ANKRD29: variants seen among roughly 807,000 people sequenced by gnomAD.
ANKRD29 encodes the protein ankyrin repeat domain 29.
ANKRD29 carries 32 observed loss-of-function variants against 38.0 expected under a neutral mutation model. The ratio of observed to expected loss-of-function variants is 0.84; its 90% CI spans 0.64 to 1.13. The LOEUF is 1.13. ANKRD29 is among the 50% of genes most tolerant of loss of function. The pLI, the probability that ANKRD29 is intolerant of heterozygous loss-of-function variation, is 0.00. For missense variants in ANKRD29, 357 were observed against 377.9 expected, an observed-to-expected ratio of 0.94 and a Z score of 0.46; for synonymous variants, 135 against 152.4, an observed-to-expected ratio of 0.89 and a Z score of 0.84.
At chr18:23,651,249 T>C (rs922384968) in intron 1 of ANKRD29, among the ~76,000 whole-genome samples, 13 of 152,190 alleles carry the variant, frequency 8.5e-5, no homozygotes, top group African/African-American at 2.9e-4. Flanking sequence ...CTGGCTCATT[T>C]AGAAGGGAAA....
At chr18:23,643,488 T>A (rs1425571279) in intron 3 of ANKRD29, among the ~76,000 whole-genome samples, 1 of 152,274 alleles carries the variant, frequency 6.6e-6, no homozygotes, top group Non-Finnish European at 1.5e-5. Context: ...TAATTTGCTT[T>A]TCAATAGGCT....
At chr18:23,645,621 A>C (rs2060129004) in intron 3 of ANKRD29, among the ~76,000 whole-genome samples, 1 of 152,182 alleles carries the variant, frequency 6.6e-6, no homozygotes, top group African/African-American at 2.4e-5. Flanking sequence ...TAGACCAAGA[A>C]TGGATCCTCA....
At position 23,638,909 on chromosome 18, in the gene ANKRD29, G is replaced by A. The variant is rs140468841; in HGVS notation, c.270C>T (p.Gly90=). The A allele has an allele frequency of 2.3e-5, 37 of 1,613,028 alleles. No individual in the cohort carries two copies. The African/African-American group carries it at 4.5e-4, about 20-fold the overall frequency. ...AGAGAAATCTCACGACATCATTATG[G>A]CCTTGCTGGGCGGCAAAGAATAGGG... ...TTALFFAAQQ[G]HNDVVRFLFG... The change falls in exon 4 of 10, where the codon GGC becomes GGT. Residue 90 remains glycine (G), a synonymous_variant. Transcript: ENST00000592179.
intron 8 of ANKRD29, among the ~76,000 whole-genome samples, chr18:23,613,880 G>C (rs1457130755): frequency 6.6e-6 from 1 of 152,034 alleles, no homozygotes; most frequent in Non-Finnish European, 1.5e-5. Context: ...TTACAGGCAT[G>C]AGCCCCCACG....
intron 5 of ANKRD29, among the ~76,000 whole-genome samples, chr18:23,632,562 A>T (rs1192778372): frequency 7.6e-6 from 1 of 130,994 alleles, no homozygotes; most frequent in Non-Finnish European, 1.5e-5. Flanking sequence ...ACACTCTCAG[A>T]TATACTCTAC....
intron 5 of ANKRD29, among the ~76,000 whole-genome samples, chr18:23,632,363 A>AAAATATTTAG (rs1341472823): frequency 6.6e-6 from 1 of 151,918 alleles, no homozygotes; most frequent in African/African-American, 2.4e-5. Flanking sequence ...CGTTTTTAAG[A>AAAATATTTAG]AAATATTTAG....
chr18:23,610,516 C>T (rs2059628169), intron 9 of ANKRD29, among the ~76,000 whole-genome samples: 1 of 151,802 alleles, frequency 6.6e-6, no homozygotes, highest in Non-Finnish European at 1.5e-5. Flanking sequence ...TAGTTTAGGC[C>T]AGGTGTGGTG....
chr18:23,617,655 T>C, intron 8 of ANKRD29, 77 bp downstream of exon 8: 1 of 1,236,184 alleles, frequency 8.1e-7, no homozygotes, highest in African/African-American at 1.5e-5. Context: ...GCACCCAAAT[T>C]CGACACAGTC....
chr18:23,650,958 C>T lies in ANKRD29; in HGVS notation c.22-1765G>A, dbSNP rs778750348. On this transcript the variant is annotated intron_variant, in intron 1 of 9. Coordinates refer to ENST00000592179, the MANE Select transcript of ANKRD29 (RefSeq NM_173505.4). The stretch of plus-strand genomic sequence containing the variant: ...TTTGTGAGTGGGTTTAAAACATCTA[C>T]GCGACTCAAAAGGCCTTTTGCGTAA... Among the ~76,000 whole-genome samples, 3 of 152,106 alleles carry T rather than the reference C, an allele frequency of 2.0e-5. No individual in the cohort carries two copies. In the East Asian group the frequency reaches 5.8e-4, roughly 29 times the overall value.
rs918743248 is a variant in ANKRD29 at position 23,619,135 on chromosome 18, G to A, written c.627+396C>T. 3.9e-5 allele frequency among the ~76,000 whole-genome samples: 6 copies of A among 152,310 alleles called. No homozygotes were observed. The South Asian group carries it at 1.2e-3, about 32-fold the overall frequency. Reference sequence around the variant, plus strand: ...GATGACGGCGGGCCAACAGGGGACGGGGTGCAAGGGGTCTGCAGCTCCAGG... The same window carrying A: ...GATGACGGCGGGCCAACAGGGGACGAGGTGCAAGGGGTCTGCAGCTCCAGG... On this transcript the variant is annotated intron_variant, in intron 7 of 9. Transcript: ENST00000592179.
At chr18:23,620,900 G>C (rs1212095346) in intron 6 of ANKRD29, among the ~76,000 whole-genome samples, 1 of 152,118 alleles carries the variant, frequency 6.6e-6, no homozygotes, top group Non-Finnish European at 1.5e-5. Flanking sequence ...GCCTGGTGTC[G>C]GGAAGGCAAG....
At chr18:23,616,512 G>C (rs1231490226) in intron 8 of ANKRD29, among the ~76,000 whole-genome samples, 1 of 140,728 alleles carries the variant, frequency 7.1e-6, no homozygotes, top group African/African-American at 2.6e-5. Context: ...GTGAAACCCT[G>C]TCTCTGAAAA....
At chr18:23,604,062 G>A (rs1599050658) in intron 9 of ANKRD29, among the ~76,000 whole-genome samples, 1 of 152,030 alleles carries the variant, frequency 6.6e-6, no homozygotes, top group Non-Finnish European at 1.5e-5. Flanking sequence ...GGCTGGTCTC[G>A]AACTCCTGAC....
intron 1 of ANKRD29, among the ~76,000 whole-genome samples, chr18:23,661,974 C>T (rs1239860194): frequency 6.6e-6 from 1 of 150,594 alleles, no homozygotes; most frequent in East Asian, 2.0e-4. Context: ...AACTTATTGG[C>T]TGCAAAACCG....
intron 9 of ANKRD29, 73 bp from the exon 10 acceptor site, chr18:23,601,382 T>C: frequency 8.2e-7 from 1 of 1,216,912 alleles, no homozygotes; most frequent in Non-Finnish European, 1.2e-6. Context: ...AAGAGGGGCA[T>C]TTGACCCACT....
At chr18:23,655,287 G>A (rs902237775) in intron 1 of ANKRD29, among the ~76,000 whole-genome samples, 8 of 151,610 alleles carry the variant, frequency 5.3e-5, no homozygotes, top group Non-Finnish European at 1.2e-4. Flanking sequence ...CACTCCCTTT[G>A]GAACTTAGGC....
chr18:23,633,574 A>AT (rs1421326093), intron 5 of ANKRD29, among the ~76,000 whole-genome samples: 7 of 152,114 alleles, frequency 4.6e-5, no homozygotes, highest in East Asian at 1.9e-4. Context: ...AAATGGTTTC[A>AT]TTTTTTGTCG....
intron 4 of ANKRD29, 129 bp from the exon 5 acceptor site, chr18:23,634,278 GT>G (rs71163626): frequency 0.036 from 13,280 of 370,690 alleles, 539 homozygotes; most frequent in African/African-American, 0.14. Context: ...CACTTTCCCT[GT>G]TTTTTTTTTT....
In ANKRD29 at chr18:23,617,145, A is replaced by G. The variant is rs143156800; in HGVS notation, c.723+587T>C. Among the ~76,000 whole-genome samples the G allele has an allele frequency of 7.2e-3, 1,098 of 152,302 alleles. 9 individuals carry two copies. Among genetic ancestry groups the G allele is most frequent in the African/African-American group, 0.025 (1,033 of 41,562 alleles). ...GACAGGAGAATCACTTGAACCTGGGAGGCAGAGGTTGCAGTGAGCCGAGAT... is the reference window on the plus strand; with the variant it reads ...GACAGGAGAATCACTTGAACCTGGGGGGCAGAGGTTGCAGTGAGCCGAGAT... On this transcript the variant is annotated intron_variant, in intron 8 of 9. Transcript: ENST00000592179.
Sources: gnomAD v4.1 joint callset for allele counts (sites outside exome capture counted in the v4.1 genomes callset) on GRCh38, gnomAD v4.1.1 for gene constraint, MANE v1.5 for transcripts, NCBI Gene and HGNC (gene_info 2026-07-23, HGNC 2026-07-21) for gene names.